BOP1: variants seen among roughly 807,000 people sequenced by gnomAD.
BOP1 encodes the protein ribosome biogenesis protein BOP1.
BOP1 carries 54 observed loss-of-function variants against 82.9 expected under a neutral mutation model. The observed-to-expected ratio is 0.65, with a 90% CI of 0.52 to 0.82. The LOEUF (loss-of-function observed/expected upper bound fraction) is 0.82, where lower values mean the gene tolerates loss of function less well. Among genes scored for constraint, BOP1 ranks in the 40% least tolerant of loss-of-function variants. The pLI, the probability that BOP1 is intolerant of heterozygous loss-of-function variation, is 0.00. For synonymous variants in BOP1, 566 were observed against 451.1 expected, an observed-to-expected ratio of 1.25 and a Z score of -3.23; for missense variants, 1,170 against 1,072.0, an observed-to-expected ratio of 1.09 and a Z score of -1.28.
chr8:144,276,078 C>G, intron 3 of BOP1, 146 bp downstream of exon 3: 1 of 890,494 alleles, frequency 1.1e-6, no homozygotes, highest in African/African-American at 1.6e-5. Flanking sequence ...AGCAGGACGC[C>G]CACGTGGGCC....
chr8:144,265,538 C>A, intron 3 of BOP1: 1 of 186,508 alleles, frequency 5.4e-6, no homozygotes, highest in South Asian at 1.2e-4. Flanking sequence ...CCACCGTCTG[C>A]CCTCGGCCCC....
intron 2 of BOP1, among the ~76,000 whole-genome samples, chr8:144,280,828 G>T (rs1363157680): frequency 6.6e-6 from 1 of 152,068 alleles, no homozygotes; most frequent in African/African-American, 2.4e-5. Context: ...CTCCAGCCCG[G>T]GTGACAGACA....
chr8:144,274,084 GGCAGGGAGGCACCTCCCACCA>G (rs1845534583), intron 3 of BOP1, among the ~76,000 whole-genome samples: 1 of 152,132 alleles, frequency 6.6e-6, no homozygotes, highest in Non-Finnish European at 1.5e-5. Context: ...GGCAGGGGGT[GGCAGGGAGGCACCTCCCACCA>G]GCAGGAGCTT....
chr8:144,276,563 G>T (rs1845570501), intron 2 of BOP1, among the ~76,000 whole-genome samples: 1 of 152,168 alleles, frequency 6.6e-6, no homozygotes, highest in Non-Finnish European at 1.5e-5. Context: ...TCCCTGGGCT[G>T]ACACGGGTGT....
In BOP1 at chr8:144,281,172, TCCC is replaced by T. The variant is rs1588604061; in HGVS notation, c.310-4871_310-4869del. 4.6e-4 allele frequency among the ~76,000 whole-genome samples: 37 copies of T among 80,480 alleles called. 8 individuals carry two copies. The highest frequency in any genetic ancestry group is 6.3e-4 in the Non-Finnish European group (22 of 35,148). 52.8% of individuals were successfully genotyped at this position (80,480 alleles called of 152,430 possible). On this transcript the variant is annotated intron_variant, in intron 2 of 15. Transcript: ENST00000569669. ...CAGTTTAATACCAGGTCTTCGGCCT[TCCC>T]TCACTTTCATACCAGGTCTTTGGCC...
chr8:144,264,203 G>A (rs948881453), intron 7 of BOP1, 22 bp downstream of exon 7: 56 of 1,607,060 alleles, frequency 3.5e-5, no homozygotes, highest in East Asian at 4.5e-5. Context: ...ACAGGGTCCC[G>A]GCCCCCAGGA....
chr8:144,263,765 A>AGGC lies in BOP1; in HGVS notation c.1222-5_1222-4insGCC. ...GGTCACTGTGGCCCCTGTAGACCTG[A>AGGC]GGAGGCGGCGGCAGTGAGGAGTCAG... On this transcript the variant is annotated splice_polypyrimidine_tract_variant and splice_region_variant and intron_variant, in intron 9 of 15. Transcript: ENST00000569669. 1.3e-6 allele frequency: 2 copies of AGGC among 1,586,508 alleles called. No individual in the cohort carries two copies. The highest frequency in any genetic ancestry group is 8.6e-7 in the Non-Finnish European group (1 of 1,169,114).
intron 1 of BOP1, among the ~76,000 whole-genome samples, chr8:144,290,122 G>A (rs111232249): frequency 3.2e-4 from 49 of 152,270 alleles, no homozygotes; most frequent in Non-Finnish European, 6.2e-4. Context: ...ACTTTGGGAG[G>A]CTGAGGCGGG....
chr8:144,287,055 A>G (rs4977217), intron 2 of BOP1, among the ~76,000 whole-genome samples: 97,613 of 152,188 alleles, frequency 0.64, 31,592 homozygotes, highest in Admixed American at 0.72. Context: ...TGTCACCCAG[A>G]CTGGAGTGCA....
intron 1 of BOP1, among the ~76,000 whole-genome samples, chr8:144,290,028 T>C (rs1469977563): frequency 6.6e-6 from 1 of 152,136 alleles, no homozygotes; most frequent in Non-Finnish European, 1.5e-5. Flanking sequence ...GGTCCTTCAC[T>C]GGCCTTAAAG....
In BOP1 at chr8:144,289,073, A is replaced by AG; in HGVS notation, c.309+21dup. ...ACCTGCACATGGGGGACAGCCCTCG[A>AG]GGGGGCTCCTCGCTCACCCACCTGC... On this transcript the variant is annotated intron_variant, in intron 2 of 15. Coordinates refer to ENST00000569669, the MANE Select transcript of BOP1 (RefSeq NM_015201.5). 2.5e-6 allele frequency: 4 copies of AG among 1,613,402 alleles called. No individual in the cohort carries two copies. The African/African-American group carries it at 4.0e-5, about 16-fold the overall frequency.
Position 144,277,561 on chromosome 8 carries a change from G to A in BOP1, c.310-1257C>T, listed in dbSNP as rs113130120. Among the ~76,000 whole-genome samples the A allele has an allele frequency of 7.9e-5, 12 of 152,368 alleles. No homozygotes were observed. The South Asian group carries it at 1.7e-3, about 21-fold the overall frequency. ...GTCCCAGCCTCGCTGCTCATGGGCCGCAGTCCCAGGGTCCTGGCAGGTGAC... is the reference window on the plus strand; with the variant it reads ...GTCCCAGCCTCGCTGCTCATGGGCCACAGTCCCAGGGTCCTGGCAGGTGAC... On this transcript the variant is annotated intron_variant, in intron 2 of 15. Coordinates refer to ENST00000569669, the MANE Select transcript of BOP1 (RefSeq NM_015201.5).
At position 144,280,986 on chromosome 8, in the gene BOP1, C is replaced by T. The variant is rs112026936; in HGVS notation, c.310-4682G>A. 2.5e-3 allele frequency among the ~76,000 whole-genome samples: 337 copies of T among 135,166 alleles called. 2 individuals carry two copies. The highest frequency in any genetic ancestry group is 0.013 in the Admixed American group (177 of 13,440). The allele number at this position is 135,166 out of a possible 152,430, so 88.7% of individuals were successfully genotyped here. ...TTCTCTCACTTTAATACCAGGTCTT[C>T]GGCCTTCTCTCACTTTCATACCAGG... On this transcript the variant is annotated intron_variant, in intron 2 of 15. Coordinates refer to ENST00000569669, the MANE Select transcript of BOP1 (RefSeq NM_015201.5).
Position 144,264,370 on chromosome 8 carries a change from G to T in BOP1, c.833C>A (p.Pro278His). The T allele has an allele frequency of 6.2e-7, 1 of 1,604,634 alleles. No individual in the cohort carries two copies. Among genetic ancestry groups the T allele is most frequent in the Admixed American group, 1.7e-5 (1 of 60,002 alleles). ...IQPRRPRDPT[P>H]SFYDLWAQED... ...CTGGGCCCACAGGTCATAGAAGCTG[G>T]GGGTGGGGTCTCGGGGCCGGCGAGG... is the stretch of plus-strand genomic sequence containing the variant. The change falls in exon 7 of 16, where the codon CCC becomes CAC. Residue 278 changes from proline to histidine, a missense_variant. Physicochemically the swap from Pro to His is moderately conservative, Grantham distance 77. Coordinates refer to ENST00000569669, the MANE Select transcript of BOP1 (RefSeq NM_015201.5).
At chr8:144,269,433 G>A (rs1845453687) in intron 3 of BOP1, among the ~76,000 whole-genome samples, 1 of 152,250 alleles carries the variant, frequency 6.6e-6, no homozygotes, top group Admixed American at 6.5e-5. Flanking sequence ...GCCCACGTGG[G>A]CATCGGTGCA....
rs775285109 is a variant in BOP1 at position 144,272,503 on chromosome 8, C to T, written c.390+3721G>A. The stretch of plus-strand genomic sequence containing the variant: ...AGACCTTGCCCTCCAATGCCTTCCC[C>T]GGCTCCACTCCACAGGCTGCTCTGC... On this transcript the variant is annotated intron_variant, in intron 3 of 15. Coordinates refer to ENST00000569669, the MANE Select transcript of BOP1 (RefSeq NM_015201.5). Among the ~76,000 whole-genome samples the T allele has an allele frequency of 1.5e-4, 23 of 152,294 alleles. 1 individual carries two copies. The East Asian group carries it at 4.1e-3, about 27-fold the overall frequency.
At position 144,291,272 on chromosome 8, in the gene BOP1, C is replaced by G. The variant is rs782629928; in HGVS notation, c.99G>C (p.Glu33Asp). 6.9e-7 allele frequency: 1 copy of G among 1,459,442 alleles called. No individual in the cohort carries two copies. Among genetic ancestry groups the G allele is most frequent in the Non-Finnish European group, 9.0e-7 (1 of 1,107,896 alleles). 90.4% of individuals were successfully genotyped at this position (1,459,442 alleles called of 1,614,324 possible). ...EPELEPEPEP[E>D]PPLLCTSPLS... Reference sequence around the variant, plus strand: ...CGCCGCCCCGCATCGCCACAGTCACCTCCGGCTCGGGCTCAGGCTCCAGTT... The same window carrying G: ...CGCCGCCCCGCATCGCCACAGTCACGTCCGGCTCGGGCTCAGGCTCCAGTT... Residue 33 changes from glutamate (E) to aspartate (D), a missense_variant and splice_region_variant, in exon 1 of 16, where the codon GAG (glutamate) becomes GAC (aspartate). Glu to Asp is a conservative substitution (Grantham distance 45). Transcript: ENST00000569669. This position sits in a 1 kb window ranked among gnomAD's most constrained non-coding sequence, Gnocchi z 4.1.
In BOP1 at chr8:144,267,285, G is replaced by A; in HGVS notation, c.391-2214C>T. Reference sequence around the variant, plus strand: ...CCACACGGGCAGGGCTCCCCAACAGGGCACAGGCAGGCACACCTGTAACAC... The same window carrying A: ...CCACACGGGCAGGGCTCCCCAACAGAGCACAGGCAGGCACACCTGTAACAC... On this transcript the variant is annotated intron_variant, in intron 3 of 15. Coordinates refer to ENST00000569669, the MANE Select transcript of BOP1 (RefSeq NM_015201.5). 7 of 1,283,254 alleles carry A rather than the reference G, an allele frequency of 5.5e-6. 2 individuals carry two copies. The South Asian group carries it at 1.4e-4, about 25-fold the overall frequency. 79.5% of individuals were successfully genotyped at this position (1,283,254 alleles called of 1,614,324 possible).
chr8:144,275,342 C>T (rs995379311), intron 3 of BOP1, among the ~76,000 whole-genome samples: 8 of 152,184 alleles, frequency 5.3e-5, no homozygotes, highest in Non-Finnish European at 1.0e-4. Flanking sequence ...GGCTTCAGAG[C>T]TTCTCAGAGC....
Sources: gnomAD v4.1 joint callset for allele counts (sites outside exome capture counted in the v4.1 genomes callset) on GRCh38, gnomAD v4.1.1 for gene constraint, Gnocchi (gnomAD v3.1) non-coding constraint, MANE v1.5 for transcripts, NCBI Gene and HGNC (gene_info 2026-07-23, HGNC 2026-07-21) for gene names.